The following NOL4 variants were observed in gnomAD, a reference collection of about 807,000 sequenced individuals.
NOL4 encodes the protein nucleolar protein 4.
NOL4 carries 17 observed loss-of-function variants against 75.9 expected under a neutral mutation model. The ratio of observed to expected loss-of-function variants is 0.22; its 90% CI spans 0.15 to 0.34. The LOEUF (loss-of-function observed/expected upper bound fraction) is 0.34, where lower values mean the gene tolerates loss of function less well. Among genes scored for constraint, NOL4 ranks in the 10% least tolerant of loss-of-function variants. The pLI, the probability that NOL4 is intolerant of heterozygous loss-of-function variation, is 1.00. For missense variants in NOL4, 614 were observed against 793.5 expected (o/e 0.77, Z 2.72); for synonymous variants, 292 against 289.9 (o/e 1.01, Z -0.07).
At chr18:33,887,253 T>G (rs2064799275) in intron 9 of NOL4, among the ~76,000 whole-genome samples, 1 of 150,548 alleles carries the variant, frequency 6.6e-6, no homozygotes, top group Non-Finnish European at 1.5e-5. Flanking sequence ...AAAAGTAAAC[T>G]ACTTTAGAAT....
chr18:33,973,020 T>A (rs567270244), intron 6 of NOL4, among the ~76,000 whole-genome samples: 16 of 152,330 alleles, frequency 1.1e-4, no homozygotes, highest in African/African-American at 3.6e-4. Flanking sequence ...ATTCAAGATT[T>A]CTCTGTAACA....
intron 9 of NOL4, among the ~76,000 whole-genome samples, chr18:33,926,825 C>G (rs918987049): frequency 2.0e-5 from 3 of 152,116 alleles, no homozygotes; most frequent in African/African-American, 2.4e-5. Context: ...GTCTCAATCT[C>G]TTGACCTCGT....
chr18:34,076,582 G>A (rs2077755375), intron 5 of NOL4, among the ~76,000 whole-genome samples: 1 of 152,136 alleles, frequency 6.6e-6, no homozygotes, highest in Admixed American at 6.5e-5. Context: ...CCCTCAGACT[G>A]GAGGGTGTTT....
intron 9 of NOL4, among the ~76,000 whole-genome samples, chr18:33,902,102 A>T (rs1265478154): frequency 6.6e-6 from 1 of 152,054 alleles, no homozygotes; most frequent in Non-Finnish European, 1.5e-5. Flanking sequence ...TGAAAGTTGT[A>T]ATAAGGTTTG....
intron 5 of NOL4, among the ~76,000 whole-genome samples, chr18:34,026,624 T>C (rs751826320): frequency 1.3e-5 from 2 of 152,204 alleles, no homozygotes; most frequent in Non-Finnish European, 2.9e-5. Context: ...CCAACTGATA[T>C]AATTTCTTTT....
intron 1 of NOL4, among the ~76,000 whole-genome samples, chr18:34,205,438 G>A (rs538619864): frequency 9.2e-5 from 14 of 152,158 alleles, no homozygotes; most frequent in Admixed American, 7.9e-4. Flanking sequence ...ATGTATCAGC[G>A]GGTGGCATGT....
chr18:34,219,001 G>A (rs1367832401), intron 1 of NOL4, among the ~76,000 whole-genome samples: 1 of 152,148 alleles, frequency 6.6e-6, no homozygotes, highest in Non-Finnish European at 1.5e-5. Flanking sequence ...AACAGTTACT[G>A]TTTATGAGTC....
chr18:34,188,568 G>T (rs190854469), intron 1 of NOL4, among the ~76,000 whole-genome samples: 69 of 152,226 alleles, frequency 4.5e-4, no homozygotes, highest in African/African-American at 1.6e-3. Context: ...GGGCAAAATT[G>T]TCTGATACAA....
intron 1 of NOL4, among the ~76,000 whole-genome samples, chr18:34,145,293 T>C (rs1278277819): frequency 6.6e-6 from 1 of 152,096 alleles, no homozygotes; most frequent in Non-Finnish European, 1.5e-5. Flanking sequence ...TATTACCTTT[T>C]CTAGTCTTAA....
chr18:34,161,397 T>C (rs1037229361), intron 1 of NOL4, among the ~76,000 whole-genome samples: 6 of 152,160 alleles, frequency 3.9e-5, no homozygotes, highest in African/African-American at 1.4e-4. Flanking sequence ...ATAATGGCTA[T>C]ACTAATTTAC....
chr18:34,009,151 A>T (rs1223279651), intron 6 of NOL4, among the ~76,000 whole-genome samples: 2 of 151,794 alleles, frequency 1.3e-5, no homozygotes, highest in Non-Finnish European at 2.9e-5. Flanking sequence ...CAATGGGGTC[A>T]GGAAAGATAT....
chr18:34,194,881 G>A (rs551108050), intron 1 of NOL4, among the ~76,000 whole-genome samples: 22 of 151,856 alleles, frequency 1.4e-4, no homozygotes, highest in East Asian at 5.8e-4. Flanking sequence ...AAAATTAGCC[G>A]GGCGTGGTAG....
chr18:34,083,360 A>G (rs951829558), intron 5 of NOL4, among the ~76,000 whole-genome samples: 3 of 152,172 alleles, frequency 2.0e-5, no homozygotes, highest in African/African-American at 7.2e-5. Context: ...AAGAGTGGAA[A>G]GTCTGTTCTT....
In NOL4 at chr18:34,018,483, T is replaced by C. The variant is rs187769319; in HGVS notation, c.1056+835A>G. Among the ~76,000 whole-genome samples, 16 of 152,284 alleles carry C rather than the reference T, an allele frequency of 1.1e-4. No individual in the cohort carries two copies. In the East Asian group the frequency reaches 2.9e-3, roughly 28 times the overall value. On this transcript the variant is annotated intron_variant, in intron 6 of 10. Transcript: ENST00000261592. ...ATTAATCCAGATTAAGACATTTTGC[T>C]TTAAGGATCTATGTCAAAAAACAAG...
intron 9 of NOL4, among the ~76,000 whole-genome samples, chr18:33,886,963 A>T (rs978354857): frequency 7.2e-6 from 1 of 139,836 alleles, no homozygotes; most frequent in Non-Finnish European, 1.5e-5. Context: ...TTATATCTAG[A>T]TATATCTATA....
At chr18:33,888,449 T>C (rs192902629) in intron 9 of NOL4, among the ~76,000 whole-genome samples, 1 of 152,302 alleles carries the variant, frequency 6.6e-6, no homozygotes, top group African/African-American at 2.4e-5. Flanking sequence ...AATTTTGTCT[T>C]TTGTTGCCAT....
At chr18:34,019,652 A>T (rs2074925004) in intron 5 of NOL4, 51 bp from the exon 6 acceptor site, 2 of 1,521,010 alleles carry the variant, frequency 1.3e-6, no homozygotes, top group Admixed American at 1.9e-5. Flanking sequence ...TGCTATTCAG[A>T]GTCTACTTCA....
At chr18:34,044,043 T>C (rs945324940) in intron 5 of NOL4, among the ~76,000 whole-genome samples, 4 of 152,162 alleles carry the variant, frequency 2.6e-5, no homozygotes, top group Non-Finnish European at 5.9e-5. Flanking sequence ...TGTATGTGTA[T>C]GAAATTCTGT....
In NOL4 at chr18:34,151,655, A is replaced by G. The variant is rs1600732666; in HGVS notation, c.265-21635T>C. ...ACATGTCATTATACATCTTTTTCCA[A>G]ACTCATGGAATGTACAAAACCAAGA... On this transcript the variant is annotated intron_variant, in intron 1 of 10. Transcript: ENST00000261592. Among the ~76,000 whole-genome samples the G allele has an allele frequency of 2.0e-5, 3 of 151,866 alleles. No homozygotes were observed. The South Asian group carries it at 6.2e-4, about 31-fold the overall frequency.
Sources: gnomAD v4.1 joint callset for allele counts (sites outside exome capture counted in the v4.1 genomes callset) on GRCh38, gnomAD v4.1.1 for gene constraint, MANE v1.5 for transcripts, NCBI Gene and HGNC (gene_info 2026-07-23, HGNC 2026-07-21) for gene names.